The following ZNF385B variants were observed in gnomAD, a reference collection of about 807,000 sequenced individuals.
ZNF385B encodes zinc finger protein 385B, also known as zinc finger protein 533.
Under a neutral mutation model 39.2 loss-of-function variants are expected in ZNF385B, and 23 were observed. That is an observed-to-expected ratio of 0.59 (90% CI 0.42 to 0.83). The LOEUF is 0.83. Among genes scored for constraint, ZNF385B ranks in the 40% least tolerant of loss-of-function variants. ZNF385B has a pLI of 0.00. For missense variants in ZNF385B, 552 were observed against 598.9 expected (o/e 0.92, Z 0.82); for synonymous variants, 205 against 222.6 (o/e 0.92, Z 0.70).
chr2:179,717,293 A>C (rs1014212731), intron 3 of ZNF385B, among the ~76,000 whole-genome samples: 3 of 152,208 alleles, frequency 2.0e-5, no homozygotes, highest in Non-Finnish European at 2.9e-5. Context: ...TCTAAAGCTT[A>C]ATCTTTTGAG....
chr2:179,837,309 T>C (rs1387321142), intron 1 of ZNF385B, among the ~76,000 whole-genome samples: 1 of 152,240 alleles, frequency 6.6e-6, no homozygotes, highest in Non-Finnish European at 1.5e-5. Context: ...TTCATTACGA[T>C]GTGCTTGGAT....
intron 3 of ZNF385B, among the ~76,000 whole-genome samples, chr2:179,599,387 G>C (rs1688239536): frequency 6.6e-6 from 1 of 152,142 alleles, no homozygotes; most frequent in Non-Finnish European, 1.5e-5. Flanking sequence ...GATAATTTTT[G>C]ATAAACAAAT....
Position 179,574,482 on chromosome 2 carries a change from G to A in ZNF385B, c.299-29513C>T, listed in dbSNP as rs560162765. Among the ~76,000 whole-genome samples, 3 of 152,282 alleles carry A rather than the reference G, an allele frequency of 2.0e-5. No individual in the cohort carries two copies. The East Asian group carries it at 5.8e-4, about 29-fold the overall frequency. ...TTATCTGCTTTATCCTGAATAAGGA[G>A]CAGCGTGGGCTAAAAAATATCTCTG... On this transcript the variant is annotated intron_variant, in intron 3 of 9. Transcript: ENST00000410066.
At chr2:179,566,290 A>G (rs925163168) in intron 3 of ZNF385B, among the ~76,000 whole-genome samples, 2 of 152,222 alleles carry the variant, frequency 1.3e-5, no homozygotes, top group Non-Finnish European at 2.9e-5. Flanking sequence ...TTTCATGGAA[A>G]TAATAATTCC....
chr2:179,522,803 A>T (rs2058598465), intron 4 of ZNF385B: 1 of 340,236 alleles, frequency 2.9e-6, no homozygotes, highest in Non-Finnish European at 6.0e-6. Context: ...AGTATAATTC[A>T]TTAGGAAATA....
chr2:179,492,968 T>C (rs1327843058), intron 5 of ZNF385B, among the ~76,000 whole-genome samples: 5 of 152,086 alleles, frequency 3.3e-5, no homozygotes, highest in Admixed American at 1.3e-4. Flanking sequence ...CTTCCACATA[T>C]AAGAGATTGG....
intron 5 of ZNF385B, among the ~76,000 whole-genome samples, chr2:179,500,219 C>T (rs1023483173): frequency 5.3e-5 from 8 of 152,004 alleles, no homozygotes; most frequent in Non-Finnish European, 1.0e-4. Flanking sequence ...AAGCAATCTA[C>T]AGATTCATTG....
chr2:179,518,538 A>C lies in ZNF385B; in HGVS notation c.542T>G (p.Phe181Cys). 1.2e-6 allele frequency: 2 copies of C among 1,602,202 alleles called. No homozygotes were observed. The highest frequency in any genetic ancestry group is 8.5e-7 in the Non-Finnish European group (1 of 1,175,036). ...VISCNVCQLRFNSDSQAEAHY... is the reference protein window; with the variant it reads ...VISCNVCQLRCNSDSQAEAHY... ...AAAGGTGATACTCACATCTGAGTTA[A>C]AGCGAAGCTGACAGACATTACAAGA... Residue 181 changes from phenylalanine to cysteine, a missense_variant, in exon 5 of 10, where the codon TTT (phenylalanine) becomes TGT (cysteine). Coordinates refer to ENST00000410066, the MANE Select transcript of ZNF385B (RefSeq NM_152520.6).
intron 3 of ZNF385B, among the ~76,000 whole-genome samples, chr2:179,593,195 T>C (rs1173546278): frequency 6.6e-6 from 1 of 151,810 alleles, no homozygotes; most frequent in African/African-American, 2.4e-5. Context: ...AACACTGAAA[T>C]AAAACAAAAA....
chr2:179,672,183 A>G (rs1481004270), intron 3 of ZNF385B, among the ~76,000 whole-genome samples: 2 of 152,152 alleles, frequency 1.3e-5, no homozygotes, highest in East Asian at 3.9e-4. Flanking sequence ...GAGCCTTAAG[A>G]TTTTGTTCTC....
chr2:179,726,041 C>A (rs1381790804), intron 3 of ZNF385B, among the ~76,000 whole-genome samples: 3 of 151,808 alleles, frequency 2.0e-5, no homozygotes, highest in Admixed American at 6.6e-5. Flanking sequence ...GTCATAGCTT[C>A]TGCATATCTC....
intron 1 of ZNF385B, among the ~76,000 whole-genome samples, chr2:179,772,939 A>T (rs1170080964): frequency 3.9e-5 from 6 of 152,342 alleles, no homozygotes; most frequent in Non-Finnish European, 8.8e-5. Flanking sequence ...CCAACAACTT[A>T]ACATTCATAA....
chr2:179,645,227 G>A (rs1692614682), intron 3 of ZNF385B, among the ~76,000 whole-genome samples: 2 of 152,286 alleles, frequency 1.3e-5, no homozygotes, highest in East Asian at 3.9e-4. Context: ...TCACTTCCAG[G>A]AATCATGTAT....
chr2:179,830,159 A>T (rs1243782541), intron 1 of ZNF385B, among the ~76,000 whole-genome samples: 1 of 152,222 alleles, frequency 6.6e-6, no homozygotes, highest in Admixed American at 6.5e-5. Context: ...ACAAAGAGAT[A>T]CCACTACATA....
intron 6 of ZNF385B, among the ~76,000 whole-genome samples, chr2:179,454,839 A>C (rs2050511467): frequency 6.6e-6 from 1 of 152,228 alleles, no homozygotes; most frequent in Non-Finnish European, 1.5e-5. Flanking sequence ...GTTTTAAGCT[A>C]AGTGTTATTA....
At chr2:179,601,450 A>G (rs1688403550) in intron 3 of ZNF385B, among the ~76,000 whole-genome samples, 1 of 152,138 alleles carries the variant, frequency 6.6e-6, no homozygotes, top group African/African-American at 2.4e-5. Flanking sequence ...TCTGACTTTT[A>G]ACATAATAGC....
intron 3 of ZNF385B, among the ~76,000 whole-genome samples, chr2:179,629,912 G>T (rs745925525): frequency 3.3e-5 from 5 of 152,250 alleles, no homozygotes; most frequent in Non-Finnish European, 5.9e-5. Context: ...CTTGTTCACT[G>T]CTAGCACAGC....
In ZNF385B at chr2:179,512,431, T is replaced by C. The variant is rs897494072; in HGVS notation, c.552+6097A>G. ...AAGGAATTGAAATGAATATGTAAAT[T>C]AGAAATTATTTGGGATCTGCCAATT... is the stretch of plus-strand genomic sequence containing the variant. On this transcript the variant is annotated intron_variant, in intron 5 of 9. Transcript: ENST00000410066. Among the ~76,000 whole-genome samples, 9 of 152,326 alleles carry C rather than the reference T, an allele frequency of 5.9e-5. No individual in the cohort carries two copies. The South Asian group carries it at 1.7e-3, about 28-fold the overall frequency.
At chr2:179,656,555 G>C (rs763932780) in intron 3 of ZNF385B, among the ~76,000 whole-genome samples, 15 of 152,078 alleles carry the variant, frequency 9.9e-5, no homozygotes, top group Non-Finnish European at 2.2e-4. Flanking sequence ...TACTAAATCA[G>C]GCATCAGTTC....
Sources: allele counts gnomAD v4.1 joint callset (sites outside exome capture counted in the v4.1 genomes callset), GRCh38; gene constraint gnomAD v4.1.1; transcripts MANE v1.5; gene names NCBI Gene and HGNC (gene_info 2026-07-23, HGNC 2026-07-21).